Variants in SETBP1 observed in about 807,000 individuals in gnomAD.
SETBP1 encodes the protein SET binding protein 1, also known as SET-binding protein.
SETBP1 carries 9 observed loss-of-function variants against 101.0 expected under a neutral mutation model. The ratio of observed to expected loss-of-function variants is 0.09; its 90% CI spans 0.05 to 0.16. The LOEUF is 0.16. Ranked by LOEUF, SETBP1 falls within the 10% of genes least tolerant of loss-of-function variation. SETBP1 has a pLI of 1.00. For missense variants in SETBP1, 1,858 were observed against 2,033.8 expected, an observed-to-expected ratio of 0.91 and a Z score of 1.66; for synonymous variants, 818 against 788.5, an observed-to-expected ratio of 1.04 and a Z score of -0.63.
intron 3 of SETBP1, among the ~76,000 whole-genome samples, chr18:44,899,829 T>C (rs540043496): frequency 6.6e-6 from 1 of 152,268 alleles, no homozygotes; most frequent in East Asian, 1.9e-4. Flanking sequence ...ATATATTAAA[T>C]GCTTTTTAAG....
At chr18:44,875,687 C>A (rs77003988) in intron 3 of SETBP1, among the ~76,000 whole-genome samples, 1 of 152,032 alleles carries the variant, frequency 6.6e-6, no homozygotes, top group African/African-American at 2.4e-5. Context: ...ATATAGATGC[C>A]GGAAGATGTT....
chr18:44,734,421 G>A (rs928086992), intron 2 of SETBP1, among the ~76,000 whole-genome samples: 1 of 152,106 alleles, frequency 6.6e-6, no homozygotes, highest in Non-Finnish European at 1.5e-5. Context: ...TTAGGCCCTT[G>A]TTAATACCAT....
At chr18:44,711,358 GCTTCCTTCCTTC>G (rs10539959) in intron 2 of SETBP1, among the ~76,000 whole-genome samples, 9 of 132,700 alleles carry the variant, frequency 6.8e-5, no homozygotes, top group African/African-American at 2.7e-4. Context: ...CAGCTCGTTT[GCTTCCTTCCTTC>G]CTTCCTTCCT....
intron 5 of SETBP1, among the ~76,000 whole-genome samples, chr18:45,058,852 C>T (rs369006594): frequency 2.6e-5 from 4 of 152,246 alleles, no homozygotes; most frequent in African/African-American, 7.2e-5. Context: ...AAGCATAAAA[C>T]ACAGAGAACT....
intron 4 of SETBP1, among the ~76,000 whole-genome samples, chr18:44,995,509 A>C (rs943311247): frequency 2.0e-5 from 3 of 149,828 alleles, no homozygotes; most frequent in Non-Finnish European, 4.4e-5. Context: ...CACATTTTTA[A>C]AATGTACATG....
chr18:44,891,794 T>C (rs1227518907), intron 3 of SETBP1, among the ~76,000 whole-genome samples: 4 of 152,180 alleles, frequency 2.6e-5, no homozygotes, highest in African/African-American at 9.6e-5. Flanking sequence ...CATTTTAGTT[T>C]CTGTATAATG....
chr18:44,945,383 C>A (rs2071182229), intron 3 of SETBP1, among the ~76,000 whole-genome samples: 1 of 152,202 alleles, frequency 6.6e-6, no homozygotes, highest in Non-Finnish European at 1.5e-5. Context: ...CAAAAGAATT[C>A]TTTACATTAC....
At chr18:44,978,152 T>G (rs1023336308) in intron 4 of SETBP1, among the ~76,000 whole-genome samples, 1 of 152,160 alleles carries the variant, frequency 6.6e-6, no homozygotes, top group Non-Finnish European at 1.5e-5. Flanking sequence ...ATTCCTCAGC[T>G]TGCAAAGGAG....
At chr18:45,016,315 G>A (rs2072939539) in intron 4 of SETBP1, among the ~76,000 whole-genome samples, 1 of 152,132 alleles carries the variant, frequency 6.6e-6, no homozygotes. Context: ...CTAAGCCAGG[G>A]TGCAACTGAG....
At chr18:44,904,826 A>T (rs2070135403) in intron 3 of SETBP1, among the ~76,000 whole-genome samples, 1 of 152,186 alleles carries the variant, frequency 6.6e-6, no homozygotes, top group South Asian at 2.1e-4. Flanking sequence ...AAAATAGGAA[A>T]ATGGGAGCAT....
intron 2 of SETBP1, among the ~76,000 whole-genome samples, chr18:44,764,819 A>C (rs1399986561): frequency 6.6e-6 from 1 of 152,170 alleles, no homozygotes; most frequent in Non-Finnish European, 1.5e-5. Flanking sequence ...CTGTAAATGC[A>C]TACTACATAT....
intron 4 of SETBP1, among the ~76,000 whole-genome samples, chr18:44,997,224 G>T (rs2145315613): frequency 6.6e-6 from 1 of 152,154 alleles, no homozygotes; most frequent in Admixed American, 6.5e-5. Context: ...GGCCTCCCTA[G>T]TCCTCTGTAG....
chr18:44,876,613 G>A (rs769843182), intron 3 of SETBP1: 7 of 1,551,354 alleles, frequency 4.5e-6, no homozygotes, highest in Non-Finnish European at 6.1e-6. Context: ...AGGAGGCCAA[G>A]GCATCCCATT....
chr18:44,770,543 A>G (rs995498256), intron 2 of SETBP1, among the ~76,000 whole-genome samples: 2 of 152,060 alleles, frequency 1.3e-5, no homozygotes, highest in Admixed American at 6.5e-5. Flanking sequence ...GTTTTCATCT[A>G]TTGCACTTGG....
At chr18:45,021,585 G>A (rs2073069322) in intron 4 of SETBP1, among the ~76,000 whole-genome samples, 1 of 152,088 alleles carries the variant, frequency 6.6e-6, no homozygotes, top group African/African-American at 2.4e-5. Context: ...ATTTGGTGCT[G>A]GGAATGAAGT....
intron 2 of SETBP1, among the ~76,000 whole-genome samples, chr18:44,844,220 T>C (rs1425528398): frequency 6.6e-6 from 1 of 152,156 alleles, no homozygotes; most frequent in East Asian, 1.9e-4. Flanking sequence ...GTTTGATTTA[T>C]AGTTTGTGCA....
At chr18:44,903,122 T>A (rs1374273059) in intron 3 of SETBP1, among the ~76,000 whole-genome samples, 1 of 152,096 alleles carries the variant, frequency 6.6e-6, no homozygotes, top group East Asian at 1.9e-4. Context: ...CTTAACCACG[T>A]CACCATTTTT....
chr18:44,798,690 G>A (rs1413320561), intron 2 of SETBP1, among the ~76,000 whole-genome samples: 1 of 152,188 alleles, frequency 6.6e-6, no homozygotes. Context: ...CTCTGATGCT[G>A]TGTTTTTAAT....
At chr18:44,979,212 G>A (rs1256336457) in intron 4 of SETBP1, among the ~76,000 whole-genome samples, 1 of 152,186 alleles carries the variant, frequency 6.6e-6, no homozygotes, top group Non-Finnish European at 1.5e-5. Context: ...ATCTGCATTT[G>A]CTTCCCTTTG....
Sources: allele counts gnomAD v4.1 joint callset (sites outside exome capture counted in the v4.1 genomes callset), GRCh38; gene constraint gnomAD v4.1.1; transcripts MANE v1.5; gene names NCBI Gene and HGNC (gene_info 2026-07-23, HGNC 2026-07-21).